OTOGL: variants seen among roughly 807,000 people sequenced by gnomAD.
OTOGL encodes otogelin-like protein.
In OTOGL, 285 loss-of-function variants were observed where a neutral mutation model predicts 318.5. The observed-to-expected ratio is 0.89, with a 90% confidence interval of 0.81 to 0.99. The LOEUF (loss-of-function observed/expected upper bound fraction) is 0.99. Ranked by LOEUF, OTOGL falls within the 50% of genes least tolerant of loss-of-function variation. The pLI, the probability that OTOGL is intolerant of heterozygous loss-of-function variation, is 0.00. For missense variants in OTOGL, 2,899 were observed against 2,845.6 expected (o/e 1.02, Z -0.43); for synonymous variants, 987 against 936.5 (o/e 1.05, Z -0.99).
At chr12:80,329,873 T>G (rs1248304933) in intron 37 of OTOGL, among the ~76,000 whole-genome samples, 1 of 152,160 alleles carries the variant, frequency 6.6e-6, no homozygotes, top group East Asian at 1.9e-4. Context: ...ACCCTAAAAC[T>G]GCTGATAGAC....
At chr12:80,276,543 A>C (rs754014496) in intron 24 of OTOGL, among the ~76,000 whole-genome samples, 2 of 151,712 alleles carry the variant, frequency 1.3e-5, no homozygotes, top group African/African-American at 2.4e-5. Flanking sequence ...GGAGTATGTG[A>C]AGGAGCTGGG....
chr12:80,327,456 G>C (rs1335432147), intron 35 of OTOGL, among the ~76,000 whole-genome samples: 2 of 152,088 alleles, frequency 1.3e-5, no homozygotes, highest in Non-Finnish European at 2.9e-5. Flanking sequence ...GAAAACGATA[G>C]CTTCTGCTCC....
chr12:80,240,508 C>T (rs1489270851), intron 11 of OTOGL, among the ~76,000 whole-genome samples: 1 of 152,036 alleles, frequency 6.6e-6, no homozygotes, highest in Non-Finnish European at 1.5e-5. Flanking sequence ...ACACGCATTT[C>T]AAATCTAATA....
intron 26 of OTOGL, among the ~76,000 whole-genome samples, chr12:80,293,606 C>G (rs1885187591): frequency 6.6e-6 from 1 of 151,716 alleles, no homozygotes; most frequent in Non-Finnish European, 1.5e-5. Context: ...TCTGTCTTTT[C>G]TCTACTTTTT....
intron 4 of OTOGL, among the ~76,000 whole-genome samples, chr12:80,213,968 C>G (rs11833498): frequency 0.02 from 2,993 of 152,248 alleles, 106 homozygotes; most frequent in African/African-American, 0.068. Flanking sequence ...ATGAGGTGAG[C>G]AAGAAAGGGT....
intron 1 of OTOGL, among the ~76,000 whole-genome samples, chr12:80,164,624 C>A (rs1357097972): frequency 6.6e-6 from 1 of 152,006 alleles, no homozygotes; most frequent in Non-Finnish European, 1.5e-5. Context: ...TTTTGATGTA[C>A]CCTGAGTCTT....
At position 80,257,184 on chromosome 12, in the gene OTOGL, G is replaced by A. The variant is rs116112187; in HGVS notation, c.1712-641G>A. ...CACGCTACACAGGTGTCAGGCTAGG[G>A]AAGTTGAACTTGATACGAATCAAAT... On this transcript the variant is annotated intron_variant, in intron 17 of 58. Coordinates refer to ENST00000547103, the MANE Select transcript of OTOGL (RefSeq NM_001378609.3). Among the ~76,000 whole-genome samples, 288 of 152,162 alleles carry A rather than the reference G, an allele frequency of 1.9e-3. 1 individual carries two copies. The highest frequency in any genetic ancestry group is 6.8e-3 in the African/African-American group (281 of 41,534).
chr12:80,291,732 A>G (rs775527747), intron 26 of OTOGL, among the ~76,000 whole-genome samples: 2 of 152,230 alleles, frequency 1.3e-5, no homozygotes, highest in Non-Finnish European at 2.9e-5. Context: ...AAGCTGTGGT[A>G]AAATAACCAG....
At chr12:80,238,113 G>C (rs1033926011) in intron 9 of OTOGL, among the ~76,000 whole-genome samples, 1 of 152,190 alleles carries the variant, frequency 6.6e-6, no homozygotes, top group Non-Finnish European at 1.5e-5. Context: ...TTAGAACAGA[G>C]AGCACTCTGT....
intron 44 of OTOGL, among the ~76,000 whole-genome samples, chr12:80,348,143 A>C (rs1341376546): frequency 6.6e-6 from 1 of 151,814 alleles, no homozygotes; most frequent in Non-Finnish European, 1.5e-5. Flanking sequence ...CCATTTGTCA[A>C]CTTTGGCTTT....
intron 1 of OTOGL, among the ~76,000 whole-genome samples, chr12:80,201,661 A>T (rs572894373): frequency 6.6e-6 from 1 of 152,262 alleles, no homozygotes; most frequent in East Asian, 1.9e-4. Context: ...TACCCAGGAC[A>T]TATACTTCTA....
rs1322281280 is a variant in OTOGL, at chr12:80,335,958, A to G, written c.4423-5A>G. ...AAAAACCCACTAATCTTTTTTTATT[A>G]ACAGCCTCAGAAATTTGATCCTGTT... On this transcript the variant is annotated splice_polypyrimidine_tract_variant and splice_region_variant and intron_variant, in intron 38 of 58. Transcript: ENST00000547103. The G allele has an allele frequency of 6.6e-7, 1 of 1,508,846 alleles. No individual in the cohort carries two copies. Among genetic ancestry groups the G allele is most frequent in the South Asian group, 1.3e-5 (1 of 76,478 alleles). The allele number at this position is 1,508,846 out of a possible 1,614,324, so 93.5% of individuals were successfully genotyped here.
chr12:80,333,221 A>G (rs964934273), intron 38 of OTOGL, 143 bp downstream of exon 38: 19 of 675,338 alleles, frequency 2.8e-5, no homozygotes. Context: ...AGAAATATGC[A>G]TTTCATTGGA....
intron 27 of OTOGL, among the ~76,000 whole-genome samples, chr12:80,298,078 A>G (rs1885528876): frequency 6.6e-6 from 1 of 152,234 alleles, no homozygotes; most frequent in Non-Finnish European, 1.5e-5. Flanking sequence ...TACTTTTTAA[A>G]TAATGTTTAC....
chr12:80,351,178 T>C (rs1566005801), intron 44 of OTOGL, among the ~76,000 whole-genome samples: 3 of 152,242 alleles, frequency 2.0e-5, no homozygotes, highest in East Asian at 1.9e-4. Context: ...CCCCATTGTG[T>C]ACTCTTGGCA....
At chr12:80,105,032 G>T (rs924014471) in intron 1 of OTOGL, among the ~76,000 whole-genome samples, 3 of 152,110 alleles carry the variant, frequency 2.0e-5, no homozygotes, top group South Asian at 2.1e-4. Flanking sequence ...GGAGGTGGGG[G>T]TTGCAGTGAG....
At position 80,108,420 on chromosome 12, in the gene OTOGL, AC is replaced by A. The variant is rs1378306788; in HGVS notation, c.-20+8816del. Among the ~76,000 whole-genome samples the A allele has an allele frequency of 4.6e-5, 7 of 152,146 alleles. No homozygotes were observed. In the East Asian group the frequency reaches 1.4e-3, roughly 29 times the overall value. On this transcript the variant is annotated intron_variant, in intron 1 of 58. Coordinates refer to ENST00000547103, the MANE Select transcript of OTOGL (RefSeq NM_001378609.3). Reference sequence around the variant, plus strand: ...TTTTTAAACACAAACGATGCTAAGCACTTGAATCATATCAAGAGGCATTTGT... The same window carrying A: ...TTTTTAAACACAAACGATGCTAAGCATTGAATCATATCAAGAGGCATTTGT...
At position 80,256,521 on chromosome 12, in the gene OTOGL, C is replaced by CAAAT. The variant is rs1400045363; in HGVS notation, c.1711+63_1711+64insATAA. On this transcript the variant is annotated intron_variant, in intron 17 of 58. Transcript: ENST00000547103. ...TCAAACAAACAAACAAACAAACAAA[C>CAAAT]AACACACGCAAACAAAATGGGATCT... 4 of 1,511,282 alleles carry CAAAT rather than the reference C, an allele frequency of 2.6e-6. No homozygotes were observed. In the East Asian group the frequency reaches 9.7e-5, roughly 37 times the overall value. The allele number at this position is 1,511,282 out of a possible 1,614,324, so 93.6% of individuals were successfully genotyped here.
intron 52 of OTOGL, among the ~76,000 whole-genome samples, chr12:80,362,241 C>G (rs1890276453): frequency 6.6e-6 from 1 of 152,150 alleles, no homozygotes; most frequent in African/African-American, 2.4e-5. Context: ...ATAGACTATC[C>G]TTTTCCTGTT....
Sources: gnomAD v4.1 joint callset for allele counts (sites outside exome capture counted in the v4.1 genomes callset) on GRCh38, gnomAD v4.1.1 for gene constraint, MANE v1.5 for transcripts, NCBI Gene and HGNC (gene_info 2026-07-23, HGNC 2026-07-21) for gene names.